Variants in DCAF12 observed in about 807,000 individuals in gnomAD.
DCAF12 encodes the protein DDB1 and CUL4 associated factor 12.
Under a neutral mutation model 52.8 loss-of-function variants are expected in DCAF12, and 28 were observed. The observed-to-expected ratio is 0.53, with a 90% CI of 0.39 to 0.73. The LOEUF (loss-of-function observed/expected upper bound fraction) is 0.73, where lower values mean the gene tolerates loss of function less well. Ranked by LOEUF, DCAF12 falls within the 30% of genes least tolerant of loss-of-function variation. The pLI is 0.00. For synonymous variants in DCAF12, 196 were observed against 215.5 expected (o/e 0.91, Z 0.79); for missense variants, 425 against 552.2 (o/e 0.77, Z 2.31).
At chr9:34,126,216 C>T (rs1829248043) in intron 1 of DCAF12, 138 bp downstream of exon 1, 2 of 1,095,370 alleles carry the variant, frequency 1.8e-6, no homozygotes, top group Admixed American at 2.2e-5. Context: ...AGTCCTGACC[C>T]TATAGGCCCT....
rs757591629 is a variant in DCAF12 at position 34,107,413 on chromosome 9, G to T, written c.486C>A (p.Pro162=). The change falls in exon 3 of 9, where the codon CCC becomes CCA. Residue 162 remains proline, a synonymous_variant. Transcript: ENST00000361264. ...GTAGTCGATAGATGGCAAGACTGTTGGGGTTGTCTCCTCCAGTGGCTAGCA... is the reference window on the plus strand; with the variant it reads ...GTAGTCGATAGATGGCAAGACTGTTTGGGTTGTCTCCTCCAGTGGCTAGCA... ...RTLLATGGDN[P]NSLAIYRLPT... 6.2e-7 allele frequency: 1 copy of T among 1,614,044 alleles called. No homozygotes were observed. The highest frequency in any genetic ancestry group is 8.5e-7 in the Non-Finnish European group (1 of 1,180,038).
intron 2 of DCAF12, among the ~76,000 whole-genome samples, chr9:34,122,405 C>A (rs1307309312): frequency 6.6e-6 from 1 of 152,092 alleles, no homozygotes; most frequent in Non-Finnish European, 1.5e-5. Context: ...AAGGACAAAA[C>A]CCAAATCTGT....
rs1254161878 is a variant in DCAF12 at position 34,093,294 on chromosome 9, C to T, written c.1016G>A (p.Arg339Gln). 4.3e-6 allele frequency: 7 copies of T among 1,614,024 alleles called. No individual in the cohort carries two copies. The highest frequency in any genetic ancestry group is 1.6e-4 in the Middle Eastern group (1 of 6,074). The change falls in exon 7 of 9, where the codon CGA (arginine) becomes CAA (glutamine). Residue 339 changes from arginine to glutamine, a missense_variant. Physicochemically the swap from Arg to Gln is conservative, Grantham distance 43. Around this residue, in one of 3 missense-constraint regions of DCAF12, gnomAD observed 328 missense variants for 444.4 expected, o/e 0.74. Coordinates refer to ENST00000361264, the MANE Select transcript of DCAF12 (RefSeq NM_015397.4). ...CACACAGGGACTCTTACCACTGCCT[C>T]GCTCCCTGGAACAGACAGACTTGAC... Reference protein sequence around the residue: ...YNVKSVCSRERGSGIRSVSFY... With the variant: ...YNVKSVCSREQGSGIRSVSFY...
chr9:34,116,709 C>T (rs1477822478), intron 2 of DCAF12, among the ~76,000 whole-genome samples: 3 of 151,942 alleles, frequency 2.0e-5, no homozygotes, highest in South Asian at 2.1e-4. Flanking sequence ...CGGCCGGGCA[C>T]GGTGGCTCAC....
chr9:34,086,921 T>C lies in DCAF12; in HGVS notation c.*1429A>G, dbSNP rs1448656800. The stretch of plus-strand genomic sequence containing the variant: ...CTTTTCCTTTCCCCAAAATGGGATG[T>C]TGACAGAAAAGCAGAGTATGTGCTT... On this transcript the variant is annotated 3_prime_UTR_variant, in exon 9 of 9. Coordinates refer to ENST00000361264, the MANE Select transcript of DCAF12 (RefSeq NM_015397.4). The C allele has an allele frequency of 6.6e-6, 1 of 152,208 alleles. No individual in the cohort carries two copies. The highest frequency in any genetic ancestry group is 1.5e-5 in the Non-Finnish European group (1 of 68,042). The allele number at this position is 152,208 out of a possible 1,614,324, so 9.4% of individuals were successfully genotyped here.
chr9:34,088,183 A>G lies in DCAF12; in HGVS notation c.*167T>C. ...GAAAACAAAAAGCAAAACAACTTTC[A>G]GATTTCTGTACAGAGCTTCTTCCTA... On this transcript the variant is annotated 3_prime_UTR_variant, in exon 9 of 9. Coordinates refer to ENST00000361264, the MANE Select transcript of DCAF12 (RefSeq NM_015397.4). 1.7e-6 allele frequency: 1 copy of G among 589,796 alleles called. No homozygotes were observed. The highest frequency in any genetic ancestry group is 2.6e-6 in the Non-Finnish European group (1 of 377,860). The allele number at this position is 589,796 out of a possible 1,614,324, so 36.5% of individuals were successfully genotyped here. A position where few individuals can be genotyped will look rare whatever the true frequency, so the allele number is the denominator to read the frequency against.
At chr9:34,094,407 A>T (rs912610484) in intron 6 of DCAF12, among the ~76,000 whole-genome samples, 1 of 152,074 alleles carries the variant, frequency 6.6e-6, no homozygotes, top group Non-Finnish European at 1.5e-5. Flanking sequence ...CTCTGTCTCA[A>T]AAAAAATAAA....
Position 34,089,592 on chromosome 9 carries a change from TG to T in DCAF12, c.1025-3del. ...CGTAGAAACTCACTGACCGGATTCC[TG>T]AAAGACAGAAAAGTAAAAGGCAGTG... On this transcript the variant is annotated splice_polypyrimidine_tract_variant and splice_region_variant and intron_variant, in intron 7 of 8. Transcript: ENST00000361264. 1 of 1,598,606 alleles carries T rather than the reference TG, an allele frequency of 6.3e-7. No individual in the cohort carries two copies. The highest frequency in any genetic ancestry group is 8.5e-7 in the Non-Finnish European group (1 of 1,170,974).
At chr9:34,107,209 G>T in intron 3 of DCAF12, 150 bp downstream of exon 3, 1 of 709,740 alleles carries the variant, frequency 1.4e-6, no homozygotes. Context: ...GGCCCCTGAG[G>T]TGTGCTGCTT....
chr9:34,115,658 T>C (rs1004479074), intron 2 of DCAF12, among the ~76,000 whole-genome samples: 4 of 151,244 alleles, frequency 2.6e-5, no homozygotes, highest in South Asian at 4.2e-4. Flanking sequence ...AGTCTCCCCA[T>C]AGACATATAT....
chr9:34,088,226 A>G lies in DCAF12; in HGVS notation c.*124T>C. On this transcript the variant is annotated 3_prime_UTR_variant, in exon 9 of 9. Coordinates refer to ENST00000361264, the MANE Select transcript of DCAF12 (RefSeq NM_015397.4). Reference sequence around the variant, plus strand: ...TCTTCCTATTAAGTGCCTAAACTATAGGCAAACTTTGGTGTTCCCACTAAA... The same window carrying G: ...TCTTCCTATTAAGTGCCTAAACTATGGGCAAACTTTGGTGTTCCCACTAAA... 1 of 1,116,290 alleles carries G rather than the reference A, an allele frequency of 9.0e-7. No homozygotes were observed. The highest frequency in any genetic ancestry group is 1.2e-6 in the Non-Finnish European group (1 of 803,796). 69.1% of individuals were successfully genotyped at this position (1,116,290 alleles called of 1,614,324 possible).
At chr9:34,103,751 G>C (rs1041429051) in intron 4 of DCAF12, among the ~76,000 whole-genome samples, 8 of 151,590 alleles carry the variant, frequency 5.3e-5, no homozygotes, top group African/African-American at 1.9e-4. Context: ...GCTACTTGAG[G>C]GGATCTCTTA....
intron 5 of DCAF12, among the ~76,000 whole-genome samples, chr9:34,097,521 G>A (rs550665827): frequency 6.6e-6 from 1 of 152,166 alleles, no homozygotes; most frequent in African/African-American, 2.4e-5. Flanking sequence ...CTCCGAAAGT[G>A]CAGGGATTAC....
chr9:34,091,935 T>C (rs993079528), intron 7 of DCAF12, among the ~76,000 whole-genome samples: 2 of 152,228 alleles, frequency 1.3e-5, no homozygotes, highest in African/African-American at 4.8e-5. Flanking sequence ...CTAGGTCTTA[T>C]ATGTAAAACT....
intron 6 of DCAF12, among the ~76,000 whole-genome samples, chr9:34,095,372 C>A (rs1387572515): frequency 1.3e-5 from 1 of 78,166 alleles, no homozygotes; most frequent in Non-Finnish European, 2.4e-5. Flanking sequence ...CGCGCCAGGC[C>A]TTTTTTTTTT....
intron 2 of DCAF12, chr9:34,109,814 TG>T: frequency 8.7e-6 from 3 of 343,686 alleles, no homozygotes; most frequent in Admixed American, 2.8e-5. Context: ...TAGGTGGGTG[TG>T]GGCAGCTTTA....
intron 2 of DCAF12, among the ~76,000 whole-genome samples, chr9:34,108,327 G>A (rs749042634): frequency 2.0e-5 from 3 of 152,166 alleles, no homozygotes; most frequent in Non-Finnish European, 4.4e-5. Flanking sequence ...AGCTATGAAC[G>A]AGAGAAATAA....
chr9:34,088,599 T>A, intron 8 of DCAF12, 91 bp from the exon 9 acceptor site: 1 of 1,452,342 alleles, frequency 6.9e-7, no homozygotes, highest in Non-Finnish European at 9.6e-7. Flanking sequence ...CTGGTCTCCT[T>A]AAGGGAACAG....
At chr9:34,113,179 G>C (rs1829031828) in intron 2 of DCAF12, among the ~76,000 whole-genome samples, 1 of 151,874 alleles carries the variant, frequency 6.6e-6, no homozygotes, top group South Asian at 2.1e-4. Context: ...GCCTCGCCGA[G>C]TACCTGGGAT....
Sources: allele counts gnomAD v4.1 joint callset (sites outside exome capture counted in the v4.1 genomes callset), GRCh38; gene constraint gnomAD v4.1.1; regional missense constraint gnomAD v4.1.1; transcripts MANE v1.5; gene names NCBI Gene and HGNC (gene_info 2026-07-23, HGNC 2026-07-21).